Variants in MYH14 observed in about 807,000 individuals in gnomAD.
MYH14 encodes myosin-14.
Under a neutral mutation model 255.5 loss-of-function variants are expected in MYH14, and 123 were observed. The ratio of observed to expected loss-of-function variants is 0.48; its 90% CI spans 0.42 to 0.56. The LOEUF (loss-of-function observed/expected upper bound fraction) is 0.56, where lower values mean the gene tolerates loss of function less well. Ranked by LOEUF, MYH14 falls within the 20% of genes least tolerant of loss-of-function variation. MYH14 has a pLI of 0.00. For missense variants in MYH14, 2,423 were observed against 2,802.3 expected, an observed-to-expected ratio of 0.86 and a Z score of 3.06; for synonymous variants, 1,095 against 1,161.2, an observed-to-expected ratio of 0.94 and a Z score of 1.16.
intron 10 of MYH14, among the ~76,000 whole-genome samples, chr19:50,236,770 G>A (rs1368519384): frequency 1.3e-5 from 2 of 151,972 alleles, no homozygotes; most frequent in African/African-American, 4.8e-5. Flanking sequence ...TCTTGTTTGC[G>A]TTCAGCATTA....
In MYH14 at chr19:50,250,632, C is replaced by A; in HGVS notation, c.1774C>A (p.Arg592=). The change falls in exon 15 of 43, where the codon CGG becomes AGG. Residue 592 remains arginine (R), a synonymous_variant. Coordinates refer to ENST00000642316, the MANE Select transcript of MYH14 (RefSeq NM_001145809.2). This position sits in a 1 kb window ranked among gnomAD's most constrained non-coding sequence, Gnocchi z 5.4. ...QEQGGHPKFQ[R]PRHLRDQADF... is the part of the protein sequence containing the mutation. ...GCAGGGCGGCCACCCCAAGTTCCAG[C>A]GGCCGAGGCACCTGCGGGATCAGGC... 6.2e-7 allele frequency: 1 copy of A among 1,613,946 alleles called. No individual in the cohort carries two copies. The highest frequency in any genetic ancestry group is 8.5e-7 in the Non-Finnish European group (1 of 1,179,872).
intron 11 of MYH14, 86 bp from the exon 12 acceptor site, chr19:50,246,918 A>G: frequency 2.2e-6 from 2 of 912,374 alleles, no homozygotes; most frequent in Non-Finnish European, 3.4e-6. Flanking sequence ...CTCCCCCAAC[A>G]GTGTGGGAAA....
At chr19:50,278,002 C>T (rs2035571120) in intron 29 of MYH14, 81 bp from the exon 30 acceptor site, 2 of 1,116,086 alleles carry the variant, frequency 1.8e-6, no homozygotes, top group East Asian at 2.8e-5. Context: ...ACAGCCAGTG[C>T]AAAGGCCCTG....
rs780828335 is a variant in MYH14, at chr19:50,224,190, G to A, written c.717+13G>A. 2 of 1,613,866 alleles carry A rather than the reference G, an allele frequency of 1.2e-6. No individual in the cohort carries two copies. Among genetic ancestry groups the A allele is most frequent in the Admixed American group, 1.7e-5 (1 of 59,994 alleles). On this transcript the variant is annotated intron_variant, in intron 6 of 42. Transcript: ENST00000642316. Reference sequence around the variant, plus strand: ...CACCGTGTCTTATGTGAGTAGCAGGGGATCACCTCGAGTCTTGCTGCCCCT... The same window carrying A: ...CACCGTGTCTTATGTGAGTAGCAGGAGATCACCTCGAGTCTTGCTGCCCCT...
chr19:50,288,317 A>G (rs766529372), intron 34 of MYH14, among the ~76,000 whole-genome samples: 1 of 152,040 alleles, frequency 6.6e-6, no homozygotes, highest in Non-Finnish European at 1.5e-5. Flanking sequence ...ACGCACTTAG[A>G]CGTTGATCCG....
At chr19:50,204,550 T>G (rs1483211593) in intron 1 of MYH14, among the ~76,000 whole-genome samples, 1 of 152,184 alleles carries the variant, frequency 6.6e-6, no homozygotes, top group East Asian at 1.9e-4. Context: ...CTGCCTCAGT[T>G]TCCACATCAG....
chr19:50,222,034 C>T (rs559600332), intron 3 of MYH14, among the ~76,000 whole-genome samples: 55 of 152,192 alleles, frequency 3.6e-4, no homozygotes, highest in African/African-American at 1.3e-3. Context: ...GGGAGGCTGT[C>T]CTGGTCATTG....
rs368937416 is a variant in MYH14 at position 50,232,057 on chromosome 19, C to T, written c.1101C>T (p.His367=). The change falls in exon 10 of 43, where the codon CAC becomes CAT. Residue 367 remains histidine, a synonymous_variant. Coordinates refer to ENST00000642316, the MANE Select transcript of MYH14 (RefSeq NM_001145809.2). ...CGCTGCGGGTCCTGGGATTCAGCCACGAGGAAATCATCTGTGAGTGAGCCC... is the reference window on the plus strand; with the variant it reads ...CGCTGCGGGTCCTGGGATTCAGCCATGAGGAAATCATCTGTGAGTGAGCCC... The part of the protein sequence containing the change: ...LESLRVLGFS[H]EEIISMLRMV... The T allele has an allele frequency of 4.8e-5, 77 of 1,612,010 alleles. No homozygotes were observed. The African/African-American group carries it at 5.9e-4, about 12-fold the overall frequency.
intron 39 of MYH14, among the ~76,000 whole-genome samples, chr19:50,295,309 A>G (rs2036230049): frequency 6.6e-6 from 1 of 151,800 alleles, no homozygotes; most frequent in African/African-American, 2.4e-5. Flanking sequence ...TGGGCGACAG[A>G]GCAAGACTCC....
intron 35 of MYH14, among the ~76,000 whole-genome samples, chr19:50,289,911 A>T (rs1046611334): frequency 6.6e-6 from 1 of 151,546 alleles, no homozygotes; most frequent in African/African-American, 2.4e-5. Context: ...CTCCCACAAA[A>T]CCATCTTCCT....
intron 1 of MYH14, among the ~76,000 whole-genome samples, chr19:50,206,423 T>C (rs1452437562): frequency 1.5e-4 from 1 of 6,480 alleles, no homozygotes; most frequent in South Asian, 7.6e-3. Context: ...TGGGGTGGGG[T>C]GGGTGGGGGT....
chr19:50,242,748 G>C (rs985086915), intron 10 of MYH14, among the ~76,000 whole-genome samples: 1 of 152,196 alleles, frequency 6.6e-6, no homozygotes, highest in African/African-American at 2.4e-5. Flanking sequence ...CTCCTGGTGT[G>C]TTCGTGGTCA....
At chr19:50,245,543 C>G (rs2123288627) in intron 11 of MYH14, among the ~76,000 whole-genome samples, 1 of 152,198 alleles carries the variant, frequency 6.6e-6, no homozygotes, top group East Asian at 1.9e-4. Context: ...GGATGTGTCT[C>G]TCTGGGCTTT....
At chr19:50,309,286 C>T (rs528016360) in intron 42 of MYH14, 109 bp downstream of exon 42, 10 of 1,133,518 alleles carry the variant, frequency 8.8e-6, no homozygotes, top group Middle Eastern at 2.0e-4. Flanking sequence ...ATGGGATCCA[C>T]GGGGGTGTGG....
chr19:50,296,968 T>G (rs2036287830), intron 39 of MYH14, among the ~76,000 whole-genome samples: 1 of 110,786 alleles, frequency 9.0e-6, no homozygotes, highest in African/African-American at 2.7e-5. Flanking sequence ...AACAGGAATG[T>G]ATTCTCTCTG....
In MYH14 at chr19:50,221,761, G is replaced by A. The variant is rs2032831689; in HGVS notation, c.563-1322G>A. On this transcript the variant is annotated intron_variant, in intron 3 of 42. Coordinates refer to ENST00000642316, the MANE Select transcript of MYH14 (RefSeq NM_001145809.2). The surrounding 1 kb of genome is among the most constrained non-coding windows in gnomAD (Gnocchi z 5.3). ...CAAAGTGCTGGGATTACAGGTATGAGCCACTGTGTCCAGCCTAATCGCTGC... is the reference window on the plus strand; with the variant it reads ...CAAAGTGCTGGGATTACAGGTATGAACCACTGTGTCCAGCCTAATCGCTGC... 1.3e-5 allele frequency among the ~76,000 whole-genome samples: 2 copies of A among 152,138 alleles called. No homozygotes were observed. The highest frequency in any genetic ancestry group is 6.5e-5 in the Admixed American group (1 of 15,282).
intron 8 of MYH14, among the ~76,000 whole-genome samples, chr19:50,228,315 A>T (rs2033208293): frequency 6.6e-6 from 1 of 152,050 alleles, no homozygotes; most frequent in Admixed American, 6.6e-5. Context: ...AATTAGCAAT[A>T]TCTGTATCAA....
intron 34 of MYH14, among the ~76,000 whole-genome samples, chr19:50,287,408 G>GT (rs1198119123): frequency 6.6e-6 from 1 of 152,136 alleles, no homozygotes; most frequent in African/African-American, 2.4e-5. Flanking sequence ...GTTTTTGTTT[G>GT]TTTTTTGTTT....
At chr19:50,228,011 C>T (rs933679843) in intron 8 of MYH14, among the ~76,000 whole-genome samples, 9 of 152,178 alleles carry the variant, frequency 5.9e-5, no homozygotes, top group South Asian at 2.1e-4. Flanking sequence ...TGGCCAGGCA[C>T]GGTGGCTCAT....
Sources: gnomAD v4.1 joint callset for allele counts (sites outside exome capture counted in the v4.1 genomes callset) on GRCh38, gnomAD v4.1.1 for gene constraint, Gnocchi (gnomAD v3.1) non-coding constraint, MANE v1.5 for transcripts, NCBI Gene and HGNC (gene_info 2026-07-23, HGNC 2026-07-21) for gene names.